Variants in PDE4B observed in about 807,000 individuals in gnomAD.
PDE4B encodes the protein 3',5'-cyclic-AMP phosphodiesterase 4B.
In PDE4B, 20 loss-of-function variants were observed where a neutral mutation model predicts 82.2. The ratio of observed to expected loss-of-function variants is 0.24; its 90% confidence interval spans 0.17 to 0.35. PDE4B has a LOEUF of 0.35. Among genes scored for constraint, PDE4B ranks in the 10% least tolerant of loss-of-function variants. The pLI, the probability that PDE4B is intolerant of heterozygous loss-of-function variation, is 1.00. For synonymous variants in PDE4B, 320 were observed against 318.9 expected (o/e 1.00, Z -0.04); for missense variants, 655 against 907.2 (o/e 0.72, Z 3.57).
intron 16 of PDE4B, among the ~76,000 whole-genome samples, chr1:66,369,227 G>A (rs1433374994): frequency 6.6e-6 from 1 of 152,190 alleles, no homozygotes; most frequent in African/African-American, 2.4e-5. Context: ...AGTTGTCTCT[G>A]ATGTTAGCAA....
intron 3 of PDE4B, among the ~76,000 whole-genome samples, chr1:66,093,310 T>C (rs773978723): frequency 1.3e-5 from 2 of 152,056 alleles, no homozygotes; most frequent in Non-Finnish European, 1.5e-5. Context: ...GTATATACAT[T>C]ATTTCATTTA....
intron 10 of PDE4B, among the ~76,000 whole-genome samples, chr1:66,362,529 T>C (rs1662862676): frequency 1.3e-5 from 2 of 152,172 alleles, no homozygotes; most frequent in South Asian, 4.1e-4. Context: ...TCTCTTACTC[T>C]GGATAGTTAC....
chr1:66,270,854 T>C (rs749999282), intron 7 of PDE4B, among the ~76,000 whole-genome samples: 1 of 152,272 alleles, frequency 6.6e-6, no homozygotes, highest in Non-Finnish European at 1.5e-5. Flanking sequence ...CTATGTTTTC[T>C]TCCTTATTCT....
At chr1:66,041,835 C>T (rs1171452981) in intron 3 of PDE4B, among the ~76,000 whole-genome samples, 2 of 150,592 alleles carry the variant, frequency 1.3e-5, no homozygotes, top group Non-Finnish European at 1.5e-5. Flanking sequence ...CACATACACA[C>T]ACACACACAC....
intron 3 of PDE4B, among the ~76,000 whole-genome samples, chr1:66,106,825 C>T (rs1645371042): frequency 9.5e-6 from 1 of 105,490 alleles, no homozygotes; most frequent in Admixed American, 1.1e-4. Context: ...TGATTCTTCT[C>T]TCTTTTCTTC....
At position 65,968,700 on chromosome 1, in the gene PDE4B, G is replaced by T. The variant is rs142097104; in HGVS notation, c.281+49865G>T. Among the ~76,000 whole-genome samples the T allele has an allele frequency of 5.3e-3, 802 of 152,164 alleles. 3 individuals are homozygous for T. Among genetic ancestry groups the T allele is most frequent in the African/African-American group, 0.018 (759 of 41,528 alleles). Reference sequence around the variant, plus strand: ...AAATTTGGTGTTTTCTAGCATTTTAGTGACAGTGTGGGTACACCTCACATT... The same window carrying T: ...AAATTTGGTGTTTTCTAGCATTTTATTGACAGTGTGGGTACACCTCACATT... On this transcript the variant is annotated intron_variant, in intron 3 of 16. Coordinates refer to ENST00000341517, the MANE Select transcript of PDE4B (RefSeq NM_002600.4).
chr1:66,358,981 G>C (rs925117458), intron 9 of PDE4B, among the ~76,000 whole-genome samples: 1 of 152,174 alleles, frequency 6.6e-6, no homozygotes, highest in Non-Finnish European at 1.5e-5. Context: ...CATTGATGCT[G>C]TCACATAATG....
chr1:65,937,866 TATA>T (rs1349995452), intron 3 of PDE4B, among the ~76,000 whole-genome samples: 1 of 152,176 alleles, frequency 6.6e-6, no homozygotes, highest in African/African-American at 2.4e-5. Flanking sequence ...TAATAATTGG[TATA>T]ATACTTTACA....
intron 3 of PDE4B, among the ~76,000 whole-genome samples, chr1:66,241,820 A>G (rs1018177471): frequency 6.6e-6 from 1 of 152,208 alleles, no homozygotes; most frequent in Non-Finnish European, 1.5e-5. Context: ...TACTGAAGGG[A>G]GAATGCGGAA....
chr1:66,017,452 A>G (rs1008608339), intron 3 of PDE4B, among the ~76,000 whole-genome samples: 1 of 152,230 alleles, frequency 6.6e-6, no homozygotes, highest in Admixed American at 6.5e-5. Flanking sequence ...TAGCATTTCT[A>G]TAAGCCAGTA....
intron 8 of PDE4B, among the ~76,000 whole-genome samples, chr1:66,340,403 T>G (rs1309396321): frequency 1.3e-5 from 2 of 152,244 alleles, no homozygotes; most frequent in Non-Finnish European, 2.9e-5. Context: ...TGGAATAGAT[T>G]TTAAAGCTAT....
At chr1:65,913,078 G>T in intron 1 of PDE4B, among the ~76,000 whole-genome samples, 167 bp from the exon 2 acceptor site, 1 of 152,012 alleles carries the variant, frequency 6.6e-6, no homozygotes, top group East Asian at 1.9e-4. Context: ...TTAATATTTT[G>T]TGAAGCTCTT....
intron 3 of PDE4B, among the ~76,000 whole-genome samples, chr1:66,150,487 A>G (rs893652855): frequency 5.3e-5 from 8 of 152,168 alleles, no homozygotes; most frequent in African/African-American, 1.9e-4. Context: ...CCAAATATAA[A>G]TTGTTTTACC....
chr1:66,103,179 C>T (rs915700190), intron 3 of PDE4B, among the ~76,000 whole-genome samples: 2 of 152,046 alleles, frequency 1.3e-5, no homozygotes, highest in Non-Finnish European at 2.9e-5. Flanking sequence ...TGAGTCTTCA[C>T]CGAAAGGTTG....
intron 3 of PDE4B, among the ~76,000 whole-genome samples, chr1:66,104,967 G>T (rs1219855702): frequency 2.1e-4 from 32 of 150,884 alleles, no homozygotes; most frequent in East Asian, 3.9e-4. Flanking sequence ...GTCAATTTTG[G>T]CTTTTGTTGC....
intron 3 of PDE4B, among the ~76,000 whole-genome samples, chr1:66,184,053 CACAA>C (rs879779684): frequency 5.3e-5 from 8 of 152,114 alleles, no homozygotes; most frequent in Admixed American, 3.9e-4. Flanking sequence ...ATGGGAATGA[CACAA>C]ACAATGTTTG....
intron 1 of PDE4B, among the ~76,000 whole-genome samples, chr1:65,834,692 T>A (rs1448406446): frequency 6.6e-6 from 1 of 152,196 alleles, no homozygotes; most frequent in Non-Finnish European, 1.5e-5. Flanking sequence ...GGCTTATATA[T>A]AGCCACGTCT....
At chr1:65,965,518 AT>A (rs10588465) in intron 3 of PDE4B, among the ~76,000 whole-genome samples, 43,339 of 150,024 alleles carry the variant, frequency 0.29, 6,334 homozygotes, top group East Asian at 0.45. Context: ...GAATCTTGTG[AT>A]TTTTTTTTTT....
At chr1:66,272,080 G>A (rs1452132593) in intron 7 of PDE4B, among the ~76,000 whole-genome samples, 3 of 152,314 alleles carry the variant, frequency 2.0e-5, no homozygotes, top group East Asian at 1.9e-4. Context: ...CATCTGCAGC[G>A]CTCCCACAGG....
Sources: gnomAD v4.1 joint callset for allele counts (sites outside exome capture counted in the v4.1 genomes callset) on GRCh38, gnomAD v4.1.1 for gene constraint, MANE v1.5 for transcripts, NCBI Gene and HGNC (gene_info 2026-07-23, HGNC 2026-07-21) for gene names.